The following MAP3K21 variants were observed in gnomAD, a reference collection of about 807,000 sequenced individuals.
The protein encoded by MAP3K21 is mitogen-activated protein kinase kinase kinase MLK4.
A neutral mutation model predicts 86.1 loss-of-function variants in MAP3K21; 63 were observed. The ratio of observed to expected loss-of-function variants is 0.73; its 90% CI spans 0.60 to 0.90. The LOEUF (loss-of-function observed/expected upper bound fraction) is 0.90, where lower values mean the gene tolerates loss of function less well. Among genes scored for constraint, MAP3K21 ranks in the 40% least tolerant of loss-of-function variants. MAP3K21 has a pLI of 0.00. For synonymous variants in MAP3K21, 558 were observed against 564.8 expected, an observed-to-expected ratio of 0.99 and a Z score of 0.17; for missense variants, 1,220 against 1,367.7, an observed-to-expected ratio of 0.89 and a Z score of 1.70.
chr1:233,368,193 A>G (rs972235131), intron 5 of MAP3K21, among the ~76,000 whole-genome samples: 2 of 152,170 alleles, frequency 1.3e-5, no homozygotes, highest in African/African-American at 4.8e-5. Context: ...TCGTGTTGTA[A>G]CAATCAGGTG....
Position 233,379,479 on chromosome 1 carries a change from G to T in MAP3K21, c.2473G>T (p.Ala825Ser). ...MDSEDPLVDS[A>S]PVTCDSEMLT... is the part of the protein sequence containing the mutation. ...CAGTGAAGATCCACTGGTGGACAGT[G>T]CACCTGTCACTTGTGACTCTGAGAT... The change falls in exon 9 of 10, where the codon GCA becomes TCA. Residue 825 changes from alanine to serine, a missense_variant. Coordinates refer to ENST00000366624, the MANE Select transcript of MAP3K21 (RefSeq NM_032435.3). 6.2e-7 allele frequency: 1 copy of T among 1,614,154 alleles called. No individual in the cohort carries two copies. The highest frequency in any genetic ancestry group is 8.5e-7 in the Non-Finnish European group (1 of 1,180,028).
rs1327762337 is a variant in MAP3K21 at position 233,339,268 on chromosome 1, C to CTCT, written c.806-7153_806-7151dup. ...CTTCTTCTTCTTCTTCTTCTTCTTC[C>CTCT]TCTTCTTCTTCTTCTTCTTCTTCCT... On this transcript the variant is annotated intron_variant, in intron 1 of 9. Transcript: ENST00000366624. Among the ~76,000 whole-genome samples, 170 of 19,862 alleles carry CTCT rather than the reference C, an allele frequency of 8.6e-3. 23 individuals are homozygous for CTCT. Among genetic ancestry groups the CTCT allele is most frequent in the African/African-American group, 0.028 (165 of 5,846 alleles). The allele number at this position is 19,862 out of a possible 152,430, so 13.0% of individuals were successfully genotyped here.
chr1:233,366,877 G>T (rs906969371), intron 5 of MAP3K21, among the ~76,000 whole-genome samples: 3 of 152,052 alleles, frequency 2.0e-5, no homozygotes, highest in African/African-American at 7.3e-5. Context: ...TTTCTTCATG[G>T]CTGGCTACCA....
chr1:233,380,457 C>T (rs1413437759), intron 9 of MAP3K21, among the ~76,000 whole-genome samples: 1 of 152,198 alleles, frequency 6.6e-6, no homozygotes, highest in East Asian at 1.9e-4. Context: ...CCCTATTCCA[C>T]ATACAGTGAC....
At chr1:233,367,975 T>C (rs1278037766) in intron 5 of MAP3K21, among the ~76,000 whole-genome samples, 1 of 152,236 alleles carries the variant, frequency 6.6e-6, no homozygotes, top group East Asian at 1.9e-4. Flanking sequence ...TAGGTGTTGT[T>C]AAAATGCAGC....
chr1:233,332,195 T>C (rs923804348), intron 1 of MAP3K21, among the ~76,000 whole-genome samples: 10 of 152,102 alleles, frequency 6.6e-5, no homozygotes, highest in African/African-American at 2.4e-4. Flanking sequence ...TGACAACAAA[T>C]CTGCCATCAT....
chr1:233,341,530 C>T (rs1251136217), intron 1 of MAP3K21, among the ~76,000 whole-genome samples: 1 of 152,144 alleles, frequency 6.6e-6, no homozygotes, highest in Non-Finnish European at 1.5e-5. Flanking sequence ...CCTATGGAAA[C>T]TCTGGACCTG....
rs771269857 is a variant in MAP3K21 at position 233,328,751 on chromosome 1, C to A, written c.723C>A (p.Ala241=). The A allele has an allele frequency of 7.2e-6, 11 of 1,523,598 alleles. 1 individual carries two copies. The highest frequency in any genetic ancestry group is 2.4e-5 in the South Asian group (2 of 82,452). The allele number at this position is 1,523,598 out of a possible 1,614,324, so 94.4% of individuals were successfully genotyped here. The change falls in exon 1 of 10, where the codon GCC becomes GCA. Residue 241 remains alanine, a synonymous_variant. Coordinates refer to ENST00000366624, the MANE Select transcript of MAP3K21 (RefSeq NM_032435.3). The surrounding 1 kb of genome is among the most constrained non-coding windows in gnomAD (Gnocchi z 8.7). ...CTCCGCACGTGCTGGTCAACTGGGC[C>A]GTGCAGATAGCGCGGGGCATGCTCT... ...RIPPHVLVNW[A]VQIARGMLYL...
chr1:233,333,214 G>A (rs1310439500), intron 1 of MAP3K21, among the ~76,000 whole-genome samples: 1 of 152,112 alleles, frequency 6.6e-6, no homozygotes, highest in African/African-American at 2.4e-5. Context: ...ACTATTATCA[G>A]TTGTAAGACA....
chr1:233,329,202 A>T (rs1213907302), intron 1 of MAP3K21, among the ~76,000 whole-genome samples: 1 of 152,108 alleles, frequency 6.6e-6, no homozygotes, highest in Non-Finnish European at 1.5e-5. Context: ...TGCAGATTAT[A>T]TGGAACCCAT....
intron 8 of MAP3K21, among the ~76,000 whole-genome samples, chr1:233,378,279 A>T (rs1663837682): frequency 6.6e-6 from 1 of 152,182 alleles, no homozygotes; most frequent in Admixed American, 6.5e-5. Context: ...ATAATTTGTA[A>T]CCTTTGGGAT....
At chr1:233,371,893 G>GA (rs1663691700) in intron 5 of MAP3K21, 145 bp from the exon 6 acceptor site, 1 of 762,330 alleles carries the variant, frequency 1.3e-6, no homozygotes, top group African/African-American at 1.8e-5. Flanking sequence ...CGAGAAGTAA[G>GA]AAACCAAAAT....
In MAP3K21 at chr1:233,362,058, G is replaced by A. The variant is rs1411074531; in HGVS notation, c.1317G>A (p.Leu439=). The A allele has an allele frequency of 6.2e-7, 1 of 1,611,692 alleles. No homozygotes were observed. Among genetic ancestry groups the A allele is most frequent in the Admixed American group, 1.7e-5 (1 of 59,790 alleles). The change falls in exon 5 of 10, where the codon CTG becomes CTA. Residue 439 remains leucine, a synonymous_variant. Transcript: ENST00000366624. The part of the protein sequence containing the change: ...FDELRTKEKE[L]RSREEELTRA... ...GGTGTGAATCTGTGTCGCAGGAGCT[G>A]CGATCCCGGGAAGAGGAGCTGACTC...
At chr1:233,361,280 C>T (rs908909935) in intron 4 of MAP3K21, among the ~76,000 whole-genome samples, 1 of 152,046 alleles carries the variant, frequency 6.6e-6, no homozygotes, top group East Asian at 1.9e-4. Flanking sequence ...AAACCAAAAC[C>T]AAGATGAGGT....
chr1:233,367,590 T>C (rs186015069), intron 5 of MAP3K21, among the ~76,000 whole-genome samples: 30 of 152,334 alleles, frequency 2.0e-4, no homozygotes, highest in African/African-American at 7.0e-4. Context: ...CTGGGCGTGG[T>C]GGCTCATGCC....
chr1:233,345,726 TATAATAATAATAATAATA>T (rs72300159), intron 1 of MAP3K21, among the ~76,000 whole-genome samples: 2,062 of 146,316 alleles, frequency 0.014, 54 homozygotes, highest in African/African-American at 0.048. Context: ...GAACTCAAAG[TATAATAATAATAATAATA>T]ATAATAATAA....
chr1:233,329,774 A>AT (rs1319609018), intron 1 of MAP3K21, among the ~76,000 whole-genome samples: 1 of 152,242 alleles, frequency 6.6e-6, no homozygotes, highest in African/African-American at 2.4e-5. Flanking sequence ...TAACAAGTGC[A>AT]TTGTCCTTGC....
intron 9 of MAP3K21, among the ~76,000 whole-genome samples, chr1:233,380,096 A>G (rs1663885749): frequency 6.6e-6 from 1 of 152,178 alleles, no homozygotes; most frequent in African/African-American, 2.4e-5. Context: ...CCACTGCTGT[A>G]CATGTCATTG....
chr1:233,343,488 C>G (rs1663076582), intron 1 of MAP3K21, among the ~76,000 whole-genome samples: 1 of 152,208 alleles, frequency 6.6e-6, no homozygotes, highest in South Asian at 2.1e-4. Flanking sequence ...CCTCACCACT[C>G]TACACTGCCT....
Sources: allele counts gnomAD v4.1 joint callset (sites outside exome capture counted in the v4.1 genomes callset), GRCh38; gene constraint gnomAD v4.1.1; non-coding constraint Gnocchi (gnomAD v3.1); transcripts MANE v1.5; gene names NCBI Gene and HGNC (gene_info 2026-07-23, HGNC 2026-07-21).